RPRD2: variants seen among roughly 807,000 people sequenced by gnomAD.
The protein encoded by RPRD2 is regulation of nuclear pre-mRNA domain containing 2, also known as regulation of nuclear pre-mRNA domain-containing protein 2.
A neutral mutation model predicts 104.4 loss-of-function variants in RPRD2; 12 were observed. The ratio of observed to expected loss-of-function variants is 0.11; its 90% CI spans 0.07 to 0.19. RPRD2 has a LOEUF of 0.19. RPRD2 is among the 10% of genes least tolerant of loss of function. The pLI, the probability that RPRD2 is intolerant of heterozygous loss-of-function variation, is 1.00. For missense variants in RPRD2, 1,543 were observed against 1,790.1 expected (o/e 0.86, Z 2.49); for synonymous variants, 714 against 684.9 (o/e 1.04, Z -0.66).
Position 150,475,892 on chromosome 1 carries a change from A to G in RPRD2, c.*2558A>G, listed in dbSNP as rs939380464. 1.4e-5 allele frequency: 2 copies of G among 142,316 alleles called. No homozygotes were observed. Among genetic ancestry groups the G allele is most frequent in the African/African-American group, 5.5e-5 (2 of 36,402 alleles). 8.8% of individuals were successfully genotyped at this position (142,316 alleles called of 1,614,324 possible). On this transcript the variant is annotated 3_prime_UTR_variant, in exon 11 of 11. Transcript: ENST00000369068. ...AGATATTTTTTAAAGAAAGCATAAC[A>G]TAGTGTGTCTTAGCAAGGACATGAT...
At chr1:150,448,051 A>G (rs1037480892) in intron 7 of RPRD2, among the ~76,000 whole-genome samples, 1 of 152,152 alleles carries the variant, frequency 6.6e-6, no homozygotes, top group Non-Finnish European at 1.5e-5. Flanking sequence ...TTTTTTGACC[A>G]TTAACACTAG....
At chr1:150,426,536 G>A (rs1665135354) in intron 2 of RPRD2, among the ~76,000 whole-genome samples, 1 of 152,144 alleles carries the variant, frequency 6.6e-6, no homozygotes, top group Admixed American at 6.6e-5. Context: ...AAATCGGTGA[G>A]CTAAGTATCC....
chr1:150,433,507 C>G (rs1194905866), intron 2 of RPRD2, among the ~76,000 whole-genome samples: 2 of 136,432 alleles, frequency 1.5e-5, no homozygotes, highest in South Asian at 2.2e-4. Context: ...TGCAGTGGCG[C>G]AATCTCAGCT....
At chr1:150,408,158 AT>A (rs10684924) in intron 1 of RPRD2, among the ~76,000 whole-genome samples, 339 of 95,086 alleles carry the variant, frequency 3.6e-3, no homozygotes, top group South Asian at 7.4e-3. Flanking sequence ...TATTCATATG[AT>A]TTTTTTTTTT....
intron 9 of RPRD2, among the ~76,000 whole-genome samples, chr1:150,461,326 G>A (rs935912250): frequency 6.6e-6 from 1 of 152,064 alleles, no homozygotes; most frequent in Non-Finnish European, 1.5e-5. Flanking sequence ...AAGTATATGT[G>A]TATATGAATG....
At chr1:150,366,036 A>G (rs781831939) in intron 1 of RPRD2, among the ~76,000 whole-genome samples, 7 of 152,038 alleles carry the variant, frequency 4.6e-5, no homozygotes, top group Admixed American at 6.5e-5. Context: ...AGATTTTTCC[A>G]TTTTGCTGCT....
chr1:150,442,206 C>T (rs1666455416), intron 4 of RPRD2, among the ~76,000 whole-genome samples: 1 of 150,712 alleles, frequency 6.6e-6, no homozygotes, highest in Non-Finnish European at 1.5e-5. Flanking sequence ...AGTGAAGATT[C>T]AAGAGTAGTT....
chr1:150,469,475 C>G (rs1448586382), intron 10 of RPRD2, among the ~76,000 whole-genome samples: 1 of 152,070 alleles, frequency 6.6e-6, no homozygotes, highest in African/African-American at 2.4e-5. Context: ...CAGAGTCTCT[C>G]TGTGTTTCCC....
intron 1 of RPRD2, among the ~76,000 whole-genome samples, chr1:150,373,377 T>C (rs1331697387): frequency 6.6e-6 from 1 of 152,058 alleles, no homozygotes; most frequent in African/African-American, 2.4e-5. Flanking sequence ...TAGATGGCTA[T>C]TGTAATCCAG....
intron 1 of RPRD2, among the ~76,000 whole-genome samples, chr1:150,384,450 C>CATCATCATCATCATT (rs1553881396): frequency 7.6e-6 from 1 of 132,356 alleles, no homozygotes; most frequent in Non-Finnish European, 1.5e-5. Flanking sequence ...GCATCATCAT[C>CATCATCATCATCATT]ATTATTATTA....
Position 150,464,645 on chromosome 1 carries a change from C to G in RPRD2, c.1530C>G (p.Ile510Met). The change falls in exon 10 of 11, where the codon ATC becomes ATG. Residue 510 changes from isoleucine (I) to methionine (M), a missense_variant. Ile to Met is a conservative substitution (Grantham distance 10, BLOSUM62 1). Coordinates refer to ENST00000369068, the MANE Select transcript of RPRD2 (RefSeq NM_015203.5). ...TTTSHNPLAN[I>M]LSKVEITPES... ...CATCTCACAACCCTCTGGCAAATAT[C>G]CTCTCCAAGGTGGAGATCACCCCAG... The G allele has an allele frequency of 6.2e-7, 1 of 1,612,792 alleles. No individual in the cohort carries two copies. The highest frequency in any genetic ancestry group is 1.1e-5 in the South Asian group (1 of 90,824).
chr1:150,430,276 A>G (rs1465462933), intron 2 of RPRD2, among the ~76,000 whole-genome samples: 9 of 152,140 alleles, frequency 5.9e-5, no homozygotes, highest in African/African-American at 1.9e-4. Context: ...ATATTTGGAC[A>G]GATGGAAAAA....
chr1:150,441,887 C>T lies in RPRD2; in HGVS notation c.443C>T (p.Thr148Ile). 6.2e-7 allele frequency: 1 copy of T among 1,612,086 alleles called. No homozygotes were observed. Among genetic ancestry groups the T allele is most frequent in the Non-Finnish European group, 8.5e-7 (1 of 1,179,064 alleles). The change falls in exon 4 of 11, where the codon ACT becomes ATT. Residue 148 changes from threonine to isoleucine, a missense_variant. Physicochemically the swap from Thr to Ile is moderately conservative, Grantham distance 89. Coordinates refer to ENST00000369068, the MANE Select transcript of RPRD2 (RefSeq NM_015203.5). ...AAACTGAAATGTTTTCCAGGTACCA[C>T]TTTCAAAACTCAGAAGCAGCTGAAA... ...IVALREALST[T>I]FKTQKQLKEN...
At chr1:150,392,086 G>A (rs1192132928) in intron 1 of RPRD2, among the ~76,000 whole-genome samples, 3 of 150,790 alleles carry the variant, frequency 2.0e-5, no homozygotes, top group Non-Finnish European at 4.4e-5. Context: ...TGTAGTCCCA[G>A]CTACTCGGGA....
chr1:150,473,590 A>G lies in RPRD2; in HGVS notation c.*256A>G, dbSNP rs1336015899. ...AAAAAAAAAAAAAAAGTAAAGAAACACAACCAAAGCCATTTCATTTGGCTG... is the reference window on the plus strand; with the variant it reads ...AAAAAAAAAAAAAAAGTAAAGAAACGCAACCAAAGCCATTTCATTTGGCTG... On this transcript the variant is annotated 3_prime_UTR_variant, in exon 11 of 11. Coordinates refer to ENST00000369068, the MANE Select transcript of RPRD2 (RefSeq NM_015203.5). 8.7e-6 allele frequency: 2 copies of G among 229,194 alleles called. No individual in the cohort carries two copies. Among genetic ancestry groups the G allele is most frequent in the African/African-American group, 4.5e-5 (2 of 44,176 alleles). 14.2% of individuals were successfully genotyped at this position (229,194 alleles called of 1,614,324 possible). A position where few individuals can be genotyped will look rare whatever the true frequency, so the allele number is the denominator to read the frequency against.
At chr1:150,436,146 C>A (rs34138358) in intron 2 of RPRD2, among the ~76,000 whole-genome samples, 17,967 of 146,678 alleles carry the variant, frequency 0.12, 1,513 homozygotes, top group African/African-American at 0.23. Flanking sequence ...AAAAAAAAAA[C>A]ACAGATTCTT....
Position 150,446,922 on chromosome 1 carries a change from G to A in RPRD2, c.870+521G>A, listed in dbSNP as rs1164844200. On this transcript the variant is annotated intron_variant, in intron 7 of 10. Transcript: ENST00000369068. The stretch of plus-strand genomic sequence containing the variant: ...GCAATCTCAGCACACAGCAACCTCC[G>A]CCTCCCGGGTTCAAGCGATTCTCCT... Among the ~76,000 whole-genome samples the A allele has an allele frequency of 4.3e-5, 6 of 140,234 alleles. No individual in the cohort carries two copies. In the South Asian group the frequency reaches 1.4e-3, roughly 33 times the overall value. 92.0% of individuals were successfully genotyped at this position (140,234 alleles called of 152,430 possible).
intron 1 of RPRD2, among the ~76,000 whole-genome samples, chr1:150,388,404 GTA>G (rs1159072733): frequency 2.9e-4 from 34 of 116,264 alleles, no homozygotes; most frequent in African/African-American, 7.6e-4. Context: ...GTATATACGT[GTA>G]TATACACATG....
At chr1:150,381,282 C>T (rs1661110882) in intron 1 of RPRD2, among the ~76,000 whole-genome samples, 1 of 150,916 alleles carries the variant, frequency 6.6e-6, no homozygotes, top group Non-Finnish European at 1.5e-5. Flanking sequence ...AATAGGTAGA[C>T]ATGGTGGCGC....
Sources: allele counts gnomAD v4.1 joint callset (sites outside exome capture counted in the v4.1 genomes callset), GRCh38; gene constraint gnomAD v4.1.1; transcripts MANE v1.5; gene names NCBI Gene and HGNC (gene_info 2026-07-23, HGNC 2026-07-21).